ARID1A: variants seen among roughly 807,000 people sequenced by gnomAD.
ARID1A encodes the protein AT-rich interactive domain-containing protein 1A.
In ARID1A, 20 loss-of-function variants were observed where a neutral mutation model predicts 212.6. The ratio of observed to expected loss-of-function variants is 0.09; its 90% CI spans 0.07 to 0.14. The LOEUF is 0.14. Ranked by LOEUF, ARID1A falls within the 10% of genes least tolerant of loss-of-function variation. The probability of loss-of-function intolerance (pLI) is 1.00; values close to 1 mark genes in which losing one functional copy is unlikely to be tolerated. For synonymous variants in ARID1A, 1,376 were observed against 1,222.1 expected, an observed-to-expected ratio of 1.13 and a Z score of -2.63; for missense variants, 2,587 against 3,059.0, an observed-to-expected ratio of 0.85 and a Z score of 3.64.
intron 4 of ARID1A, among the ~76,000 whole-genome samples, chr1:26,756,827 C>T (rs1006983906): frequency 1.1e-4 from 17 of 151,760 alleles, no homozygotes; most frequent in South Asian, 4.2e-4. Context: ...CTCAGCCTCC[C>T]GAGTAGCTGG....
In ARID1A at chr1:26,697,502, A is replaced by AGCG; in HGVS notation, c.1107_1109dup (p.Gly371dup). 1.4e-6 allele frequency: 2 copies of AGCG among 1,402,584 alleles called. No individual in the cohort carries two copies. The highest frequency in any genetic ancestry group is 1.5e-5 in the African/African-American group (1 of 65,796). The allele number at this position is 1,402,584 out of a possible 1,614,324, so 86.9% of individuals were successfully genotyped here. A position where few individuals can be genotyped will look rare whatever the true frequency, so the allele number is the denominator to read the frequency against. On this transcript the variant is annotated inframe_insertion, in exon 1 of 20. Coordinates refer to ENST00000324856, the MANE Select transcript of ARID1A (RefSeq NM_006015.6). ...CCACGCGCCCATGAGCCCCGGGAGC[A>AGCG]GCGGCGGCGGGGGGCAGCCGCTCGC...
chr1:26,763,108 C>A lies in ARID1A; in HGVS notation c.2555C>A (p.Thr852Lys). ...CAGCCTGGCATCCCACCTTATGGCA[C>A]ACTCCCTCCAGGGAGGATGAGTCAC... Reference protein sequence around the residue: ...HGQPGIPPYGTLPPGRMSHAS... With the variant: ...HGQPGIPPYGKLPPGRMSHAS... Residue 852 changes from threonine (T) to lysine (K), a missense_variant, in exon 8 of 20, where the codon ACA becomes AAA. By Grantham distance (78) the Thr-to-Lys change is moderately conservative. Around this residue, in one of 11 missense-constraint regions of ARID1A, gnomAD observed 674 missense variants for 813.4 expected, o/e 0.83. Coordinates refer to ENST00000324856, the MANE Select transcript of ARID1A (RefSeq NM_006015.6). The A allele has an allele frequency of 6.2e-7, 1 of 1,614,284 alleles. No homozygotes were observed. Among genetic ancestry groups the A allele is most frequent in the Non-Finnish European group, 8.5e-7 (1 of 1,180,052 alleles).
chr1:26,768,259 G>A (rs1303643726), intron 11 of ARID1A, among the ~76,000 whole-genome samples: 2 of 152,194 alleles, frequency 1.3e-5, no homozygotes. Flanking sequence ...GCTAGGGAAA[G>A]TCTGTGGGCA....
intron 1 of ARID1A, among the ~76,000 whole-genome samples, chr1:26,719,115 C>G (rs927200642): frequency 2.0e-5 from 3 of 152,196 alleles, no homozygotes; most frequent in Non-Finnish European, 2.9e-5. Context: ...GTTTCACTTT[C>G]TCTTCTACAT....
At chr1:26,741,296 G>C (rs976170186) in intron 4 of ARID1A, among the ~76,000 whole-genome samples, 7 of 152,188 alleles carry the variant, frequency 4.6e-5, no homozygotes, top group African/African-American at 1.2e-4. Flanking sequence ...AAAGAAAATA[G>C]GTAGTTGGGT....
At chr1:26,770,841 C>A in intron 11 of ARID1A, 1 of 421,126 alleles carries the variant, frequency 2.4e-6, no homozygotes, top group African/African-American at 2.0e-5. Context: ...ACTAAAAAAC[C>A]GGACTCTGAA....
chr1:26,759,451 G>C lies in ARID1A; in HGVS notation c.1921-1405G>C, dbSNP rs537834201. ...TCGAACTCCTGGGCTCAAGTGATCT[G>C]CCCGCCTCGGCCTCCCAAAAGGCTG... On this transcript the variant is annotated intron_variant, in intron 4 of 19. Transcript: ENST00000324856. Among the ~76,000 whole-genome samples the C allele has an allele frequency of 2.4e-4, 36 of 152,154 alleles. 1 individual carries two copies. In the South Asian group the frequency reaches 7.5e-3, roughly 32 times the overall value.
At chr1:26,750,893 T>C (rs2124016346) in intron 4 of ARID1A, among the ~76,000 whole-genome samples, 1 of 151,974 alleles carries the variant, frequency 6.6e-6, no homozygotes, top group Non-Finnish European at 1.5e-5. Flanking sequence ...AAAATTAGGT[T>C]GAAGTTGAAG....
intron 4 of ARID1A, among the ~76,000 whole-genome samples, chr1:26,736,119 T>G (rs1251351744): frequency 1.3e-5 from 2 of 151,018 alleles, no homozygotes; most frequent in Non-Finnish European, 2.9e-5. Flanking sequence ...GGTCAGGAGA[T>G]CGAGACCATC....
intron 1 of ARID1A, among the ~76,000 whole-genome samples, chr1:26,704,859 CA>C (rs397811032): frequency 4.5e-3 from 573 of 126,048 alleles, no homozygotes; most frequent in Middle Eastern, 0.013. Context: ...GACCTTGTCT[CA>C]AAAAAAAAAA....
intron 11 of ARID1A, 98 bp downstream of exon 11, chr1:26,768,097 C>A: frequency 7.8e-7 from 1 of 1,289,930 alleles, no homozygotes; most frequent in Non-Finnish European, 1.1e-6. Flanking sequence ...CCCACAGGGA[C>A]ATCATCCCCT....
intron 1 of ARID1A, among the ~76,000 whole-genome samples, chr1:26,710,178 G>A (rs1378399553): frequency 6.9e-6 from 1 of 143,954 alleles, no homozygotes; most frequent in African/African-American, 2.5e-5. Context: ...GCTCATGCCT[G>A]CCATCCCAGC....
chr1:26,731,686 C>T, intron 3 of ARID1A, 82 bp downstream of exon 3: 1 of 1,460,198 alleles, frequency 6.8e-7, no homozygotes, highest in Non-Finnish European at 9.4e-7. Flanking sequence ...CTTTGCTGTA[C>T]AGAGTGGTTC....
chr1:26,773,872 A>T lies in ARID1A; in HGVS notation c.4075A>T (p.Thr1359Ser), dbSNP rs768755355. ...PSGSPFPSQQ[T>S]TMYQQQQQNY... Reference sequence around the variant, plus strand: ...TGGCAGCCCCTTCCCCAGCCAGCAGACTACAATGTATCAACAGCAACAGCA... The same window carrying T: ...TGGCAGCCCCTTCCCCAGCCAGCAGTCTACAATGTATCAACAGCAACAGCA... Residue 1359 changes from threonine (T) to serine (S), a missense_variant, in exon 17 of 20, where the codon ACT becomes TCT. Physicochemically the swap from Thr to Ser is moderately conservative, Grantham distance 58. Transcript: ENST00000324856. 6.8e-6 allele frequency: 11 copies of T among 1,614,222 alleles called. No homozygotes were observed. The highest frequency in any genetic ancestry group is 9.3e-6 in the Non-Finnish European group (11 of 1,180,034).
Position 26,779,180 on chromosome 1 carries a change from G to T in ARID1A, c.5282G>T (p.Gly1761Val). 1 of 1,608,362 alleles carries T rather than the reference G, an allele frequency of 6.2e-7. No individual in the cohort carries two copies. The highest frequency in any genetic ancestry group is 8.5e-7 in the Non-Finnish European group (1 of 1,176,532). The change falls in exon 20 of 20, where the codon GGT (glycine) becomes GTT (valine). Residue 1761 changes from glycine to valine, a missense_variant. Transcript: ENST00000324856. Reference sequence around the variant, plus strand: ...GTGTCTAGTCCAGCTCCCATGGAGGGTGGGGAAGAAGAAGAAGAACTTCTA... The same window carrying T: ...GTGTCTAGTCCAGCTCCCATGGAGGTTGGGGAAGAAGAAGAAGAACTTCTA... ...SKVSSPAPME[G>V]GEEEEELLGP...
rs751646404 is a variant in ARID1A, at chr1:26,767,881, A to T, written c.3080A>T (p.Tyr1027Phe). 3 of 1,614,166 alleles carry T rather than the reference A, an allele frequency of 1.9e-6. No homozygotes were observed. The highest frequency in any genetic ancestry group is 2.5e-6 in the Non-Finnish European group (3 of 1,180,018). The change falls in exon 11 of 20, where the codon TAT becomes TTT. Residue 1027 changes from tyrosine to phenylalanine, a missense_variant. Transcript: ENST00000324856. ...EPERKMWVDR[Y>F]LAFTEEKAMG... ...GAGAGGAAGATGTGGGTGGACCGTTATCTGGCCTTCACTGAGGAGAAGGCC... is the reference window on the plus strand; with the variant it reads ...GAGAGGAAGATGTGGGTGGACCGTTTTCTGGCCTTCACTGAGGAGAAGGCC...
intron 19 of ARID1A, among the ~76,000 whole-genome samples, chr1:26,777,069 G>A (rs1002075738): frequency 6.6e-6 from 1 of 152,054 alleles, no homozygotes; most frequent in African/African-American, 2.4e-5. Flanking sequence ...CTACTTCCTG[G>A]AAAAGCCAGA....
At chr1:26,777,393 ATTTT>A (rs773418013) in intron 19 of ARID1A, among the ~76,000 whole-genome samples, 1 of 136,326 alleles carries the variant, frequency 7.3e-6, no homozygotes, top group Non-Finnish European at 1.6e-5. Flanking sequence ...TGCTCAGCTA[ATTTT>A]TTTTTTTTTT....
chr1:26,714,146 A>G (rs1435642001), intron 1 of ARID1A, among the ~76,000 whole-genome samples: 1 of 152,236 alleles, frequency 6.6e-6, no homozygotes, highest in African/African-American at 2.4e-5. Flanking sequence ...ATGGCAAAGA[A>G]TAGAGACAAT....
Sources: gnomAD v4.1 joint callset for allele counts (sites outside exome capture counted in the v4.1 genomes callset) on GRCh38, gnomAD v4.1.1 for gene constraint, gnomAD v4.1.1 regional missense constraint, MANE v1.5 for transcripts, NCBI Gene and HGNC (gene_info 2026-07-23, HGNC 2026-07-21) for gene names.